Variants in HDAC9 observed in about 807,000 individuals in gnomAD.
HDAC9 encodes histone deacetylase 9.
Under a neutral mutation model 139.4 loss-of-function variants are expected in HDAC9, and 41 were observed. The observed-to-expected ratio is 0.29, with a 90% confidence interval of 0.23 to 0.38. HDAC9 has a LOEUF of 0.38. Ranked by LOEUF, HDAC9 falls within the 10% of genes least tolerant of loss-of-function variation. The pLI, the probability that HDAC9 is intolerant of heterozygous loss-of-function variation, is 1.00. For missense variants in HDAC9, 1,147 were observed against 1,297.0 expected, an observed-to-expected ratio of 0.88 and a Z score of 1.78; for synonymous variants, 517 against 476.2, an observed-to-expected ratio of 1.09 and a Z score of -1.12.
intron 1 of HDAC9, among the ~76,000 whole-genome samples, chr7:18,131,389 T>C (rs896004100): frequency 6.6e-6 from 1 of 152,166 alleles, no homozygotes; most frequent in Admixed American, 6.6e-5. Flanking sequence ...AAAATCAAAA[T>C]GTTATGGTTA....
chr7:18,691,450 A>G (rs1171100616), intron 12 of HDAC9, among the ~76,000 whole-genome samples: 1 of 151,950 alleles, frequency 6.6e-6, no homozygotes, highest in Non-Finnish European at 1.5e-5. Flanking sequence ...GCAGTATAAA[A>G]CTAAATTATA....
chr7:18,940,847 G>T (rs1781976522), intron 23 of HDAC9, among the ~76,000 whole-genome samples: 1 of 152,010 alleles, frequency 6.6e-6, no homozygotes, highest in African/African-American at 2.4e-5. Flanking sequence ...CATTCCTATG[G>T]AATCTAAAAC....
intron 2 of HDAC9, among the ~76,000 whole-genome samples, chr7:18,194,591 T>A (rs1244410791): frequency 6.6e-6 from 1 of 152,184 alleles, no homozygotes; most frequent in Non-Finnish European, 1.5e-5. Context: ...TAACCCCTTT[T>A]TTCCCACAAC....
rs911204635 is a variant in HDAC9 at position 18,907,861 on chromosome 7, C to G, written c.2804-27948C>G. On this transcript the variant is annotated intron_variant, in intron 22 of 25. Coordinates refer to ENST00000686413, the MANE Select transcript of HDAC9 (RefSeq NM_178425.4). ...TGCAGAAGTTTGAAACGGAGCCACTCCCCTAGAATTGGATCTGATTAAATT... is the reference window on the plus strand; with the variant it reads ...TGCAGAAGTTTGAAACGGAGCCACTGCCCTAGAATTGGATCTGATTAAATT... 6.6e-5 allele frequency among the ~76,000 whole-genome samples: 10 copies of G among 152,092 alleles called. 1 individual carries two copies. Among genetic ancestry groups the G allele is most frequent in the Admixed American group, 6.5e-4 (10 of 15,270 alleles).
At chr7:18,870,300 T>C (rs1186675757) in intron 21 of HDAC9, among the ~76,000 whole-genome samples, 1 of 152,174 alleles carries the variant, frequency 6.6e-6, no homozygotes, top group Non-Finnish European at 1.5e-5. Context: ...TCCTCCAATC[T>C]GTAGCAAGTC....
chr7:18,974,134 A>G lies in HDAC9; in HGVS notation c.3023-1672A>G, dbSNP rs190739321. On this transcript the variant is annotated intron_variant, in intron 24 of 25. Coordinates refer to ENST00000686413, the MANE Select transcript of HDAC9 (RefSeq NM_178425.4). ...AAAACACAGAGACTCCAGTCTCTGT[A>G]TATTTGTATGTGCTGTTTCCCCTTC... Among the ~76,000 whole-genome samples, 925 of 152,284 alleles carry G rather than the reference A, an allele frequency of 6.1e-3. 6 individuals carry two copies. The highest frequency in any genetic ancestry group is 8.9e-3 in the Non-Finnish European group (607 of 68,020).
At chr7:18,530,663 C>T (rs2128235334) in intron 2 of HDAC9, among the ~76,000 whole-genome samples, 1 of 152,092 alleles carries the variant, frequency 6.6e-6, no homozygotes, top group Non-Finnish European at 1.5e-5. Context: ...GGCTATTGGT[C>T]ATGCATTGTG....
intron 17 of HDAC9, among the ~76,000 whole-genome samples, chr7:18,814,478 T>A (rs1420266094): frequency 6.6e-6 from 1 of 152,174 alleles, no homozygotes; most frequent in Non-Finnish European, 1.5e-5. Flanking sequence ...TTGTTTGGCT[T>A]TTTTGATACC....
At chr7:18,335,577 G>T (rs960619626) in intron 1 of HDAC9, among the ~76,000 whole-genome samples, 3 of 151,556 alleles carry the variant, frequency 2.0e-5, no homozygotes, top group Non-Finnish European at 4.4e-5. Flanking sequence ...GCAAGAATTA[G>T]ATAACTTTAA....
At chr7:18,309,539 A>G (rs1390514214) in intron 1 of HDAC9, among the ~76,000 whole-genome samples, 1 of 152,204 alleles carries the variant, frequency 6.6e-6, no homozygotes, top group Non-Finnish European at 1.5e-5. Context: ...CTGAGGAGAG[A>G]AAGGCCTCTA....
At chr7:18,848,345 C>A (rs1797044586) in intron 21 of HDAC9, among the ~76,000 whole-genome samples, 1 of 151,962 alleles carries the variant, frequency 6.6e-6, no homozygotes, top group African/African-American at 2.4e-5. Context: ...TTGTGTTCCC[C>A]CAAAACATGT....
At chr7:18,708,935 C>T (rs1784139921) in intron 12 of HDAC9, among the ~76,000 whole-genome samples, 1 of 152,076 alleles carries the variant, frequency 6.6e-6, no homozygotes, top group African/African-American at 2.4e-5. Context: ...CACATGCACA[C>T]ACACACACAC....
chr7:18,821,598 A>G (rs1040115455), intron 17 of HDAC9, among the ~76,000 whole-genome samples: 2 of 152,190 alleles, frequency 1.3e-5, no homozygotes, highest in Non-Finnish European at 1.5e-5. Flanking sequence ...AACATAGAAC[A>G]CTTCAGACAC....
At chr7:18,086,935 G>GGCGGCGCC (rs1781825147), upstream of HDAC9, 1 of 143,344 alleles carries the variant, frequency 7.0e-6, no homozygotes, top group South Asian at 2.2e-4. Context: ...GCGGCGGCGC[G>GGCGGCGCC]TCCCGCACAT....
intron 6 of HDAC9, among the ~76,000 whole-genome samples, chr7:18,599,986 T>TA (rs1210515537): frequency 1.3e-5 from 2 of 151,824 alleles, no homozygotes; most frequent in Non-Finnish European, 2.9e-5. Flanking sequence ...TTTTTTTTTT[T>TA]AATTTTAGCC....
intron 11 of HDAC9, among the ~76,000 whole-genome samples, chr7:18,650,853 G>T (rs1285672667): frequency 6.6e-6 from 1 of 152,204 alleles, no homozygotes; most frequent in Middle Eastern, 3.4e-3. Context: ...TCTCAGCTTG[G>T]GTGTTTAGAT....
intron 10 of HDAC9, 38 bp downstream of exon 10, chr7:18,648,036 G>A (rs1787987605): frequency 6.8e-7 from 1 of 1,468,936 alleles, no homozygotes. Context: ...TCATTTTAGG[G>A]TTTTATTTTA....
intron 1 of HDAC9, among the ~76,000 whole-genome samples, chr7:18,436,749 T>C (rs1464205068): frequency 1.3e-5 from 2 of 152,238 alleles, no homozygotes; most frequent in Admixed American, 6.5e-5. Flanking sequence ...ATCTCTGTGT[T>C]AGCAGTAGGC....
intron 17 of HDAC9, among the ~76,000 whole-genome samples, chr7:18,817,434 A>G (rs1352166913): frequency 2.0e-5 from 3 of 152,314 alleles, no homozygotes; most frequent in Middle Eastern, 3.4e-3. Flanking sequence ...GGTTCAACCA[A>G]TAACACAAAT....
Sources: allele counts gnomAD v4.1 joint callset (sites outside exome capture counted in the v4.1 genomes callset), GRCh38; gene constraint gnomAD v4.1.1; transcripts MANE v1.5; gene names NCBI Gene and HGNC (gene_info 2026-07-23, HGNC 2026-07-21).